Variants in CHD2 observed in about 807,000 individuals in gnomAD.
CHD2 encodes chromodomain helicase DNA binding protein 2.
In CHD2, 28 loss-of-function variants were observed where a neutral mutation model predicts 243.9. The observed-to-expected ratio is 0.11, with a 90% CI of 0.09 to 0.16. The LOEUF (loss-of-function observed/expected upper bound fraction) is 0.16, where lower values mean the gene tolerates loss of function less well. Ranked by LOEUF, CHD2 falls within the 10% of genes least tolerant of loss-of-function variation. The probability of loss-of-function intolerance (pLI) is 1.00; values close to 1 mark genes in which losing one functional copy is unlikely to be tolerated. For missense variants in CHD2, 1,386 were observed against 2,209.8 expected (o/e 0.63, Z 7.47); for synonymous variants, 775 against 779.0 (o/e 0.99, Z 0.09).
intron 2 of CHD2, chr15:92,901,953 T>G: frequency 2.7e-6 from 1 of 369,188 alleles, no homozygotes; most frequent in Admixed American, 4.5e-5. Context: ...CCTGCATTTA[T>G]GAAATCAAAT....
chr15:92,960,984 A>G (rs947385159), intron 16 of CHD2, among the ~76,000 whole-genome samples: 3 of 152,038 alleles, frequency 2.0e-5, no homozygotes, highest in Admixed American at 1.3e-4. Flanking sequence ...TCCGCCGCCT[A>G]AAGTGCTGGG....
chr15:92,901,198 C>A lies in CHD2; in HGVS notation c.-40C>A. 7.8e-7 allele frequency: 1 copy of A among 1,284,076 alleles called. No homozygotes were observed. Among genetic ancestry groups the A allele is most frequent in the Non-Finnish European group, 1.1e-6 (1 of 885,670 alleles). The allele number at this position is 1,284,076 out of a possible 1,614,324, so 79.5% of individuals were successfully genotyped here. Reference sequence around the variant, plus strand: ...CCTGGGCACAGGACTTCAAAGCAAACACAGATTCCCCCTCCCCCTTAATAT... The same window carrying A: ...CCTGGGCACAGGACTTCAAAGCAAAAACAGATTCCCCCTCCCCCTTAATAT... On this transcript the variant is annotated 5_prime_UTR_variant, in exon 2 of 39. Coordinates refer to ENST00000394196, the MANE Select transcript of CHD2 (RefSeq NM_001271.4).
chr15:92,979,170 G>A lies in CHD2; in HGVS notation c.2763G>A (p.Val921=). The A allele has an allele frequency of 6.2e-7, 1 of 1,614,060 alleles. No homozygotes were observed. The highest frequency in any genetic ancestry group is 8.5e-7 in the Non-Finnish European group (1 of 1,180,000). The change falls in exon 22 of 39, where the codon GTG becomes GTA. Residue 921 remains valine (V), a synonymous_variant. Transcript: ENST00000394196. Reference sequence around the variant, plus strand: ...ACCGCTTAGTTACAAAGGGGACTGTGGAGGAGGAGATCATAGAACGGGCCA... The same window carrying A: ...ACCGCTTAGTTACAAAGGGGACTGTAGAGGAGGAGATCATAGAACGGGCCA... ...NIYRLVTKGT[V]EEEIIERAKK...
rs780320100 is a variant in CHD2 at position 92,998,654 on chromosome 15, G to A, written c.4008+33G>A. ...CGCTGCCAGCTGGTTGTTTTTCAGG[G>A]GCCTGAGGCTCCTACCCTGCAGAAT... On this transcript the variant is annotated intron_variant, in intron 31 of 38. Coordinates refer to ENST00000394196, the MANE Select transcript of CHD2 (RefSeq NM_001271.4). This position sits in a 1 kb window ranked among gnomAD's most constrained non-coding sequence, Gnocchi z 5.1. 2.5e-6 allele frequency: 4 copies of A among 1,605,646 alleles called. No individual in the cohort carries two copies. The African/African-American group carries it at 5.4e-5, about 22-fold the overall frequency.
Position 93,025,841 on chromosome 15 carries a change from GACAGAATC to G in CHD2, c.*1140_*1147del, listed in dbSNP as rs2054582890. On this transcript the variant is annotated 3_prime_UTR_variant, in exon 39 of 39. Coordinates refer to ENST00000394196, the MANE Select transcript of CHD2 (RefSeq NM_001271.4). ...TTGCACAGCTTGAAGAAATAGAGTAGACAGAATCACACATCATGTGGTGGGCAGATGGA... is the reference window on the plus strand; with the variant it reads ...TTGCACAGCTTGAAGAAATAGAGTAGACACATCATGTGGTGGGCAGATGGA... 6.6e-6 allele frequency: 1 copy of G among 150,818 alleles called. No individual in the cohort carries two copies. Among genetic ancestry groups the G allele is most frequent in the African/African-American group, 2.4e-5 (1 of 41,410 alleles). 9.3% of individuals were successfully genotyped at this position (150,818 alleles called of 1,614,324 possible). A position where few individuals can be genotyped will look rare whatever the true frequency, so the allele number is the denominator to read the frequency against.
chr15:92,962,019 T>A (rs1037669588), intron 16 of CHD2, among the ~76,000 whole-genome samples: 1 of 151,720 alleles, frequency 6.6e-6, no homozygotes, highest in African/African-American at 2.4e-5. Context: ...GTAGCTGGGA[T>A]TACAGGCACC....
chr15:93,024,625 C>A lies in CHD2; in HGVS notation c.5407C>A (p.Leu1803Met). ...ATCTCCTCACGATTCCAAGTCACCC[C>A]TGGATCATAGGTCTCCTTTGGAGAG... ...QKSPHDSKSP[L>M]DHRSPLERSL... Residue 1803 changes from leucine (L) to methionine (M), a missense_variant, in exon 39 of 39, where the codon CTG becomes ATG. Transcript: ENST00000394196. The A allele has an allele frequency of 6.2e-7, 1 of 1,614,204 alleles. No homozygotes were observed. Among genetic ancestry groups the A allele is most frequent in the Non-Finnish European group, 8.5e-7 (1 of 1,180,032 alleles).
chr15:92,938,704 G>C (rs537488480), intron 6 of CHD2, among the ~76,000 whole-genome samples: 2 of 152,348 alleles, frequency 1.3e-5, no homozygotes, highest in East Asian at 3.9e-4. Flanking sequence ...GGAGGTATGA[G>C]AGAAAGAGAT....
At chr15:92,937,679 T>G (rs754674606) in intron 6 of CHD2, 54 bp downstream of exon 6, 18 of 1,310,378 alleles carry the variant, frequency 1.4e-5, no homozygotes, top group Non-Finnish European at 1.8e-5. Context: ...TGCTGTAGAT[T>G]GGGAAGGATA....
intron 3 of CHD2, among the ~76,000 whole-genome samples, chr15:92,924,963 G>C (rs2141747378): frequency 6.6e-6 from 1 of 152,162 alleles, no homozygotes; most frequent in African/African-American, 2.4e-5. Flanking sequence ...ACCACGCCCA[G>C]CTAATTTTTG....
At chr15:92,922,637 C>A (rs1194336088) in intron 2 of CHD2, among the ~76,000 whole-genome samples, 2 of 152,204 alleles carry the variant, frequency 1.3e-5, no homozygotes. Context: ...CGTGTCTTAT[C>A]TCCTGGCTTC....
Position 92,998,190 on chromosome 15 carries a change from G to A in CHD2, c.3886-309G>A. On this transcript the variant is annotated intron_variant, in intron 30 of 38. Coordinates refer to ENST00000394196, the MANE Select transcript of CHD2 (RefSeq NM_001271.4). This position sits in a 1 kb window ranked among gnomAD's most constrained non-coding sequence, Gnocchi z 5.1. The stretch of plus-strand genomic sequence containing the variant: ...CTCCTGGAAGGAGGAAATCCACGAC[G>A]GCTGGGATGCTCTAGCAGATGAAGC... The A allele has an allele frequency of 4.8e-6, 5 of 1,051,868 alleles. No homozygotes were observed. The highest frequency in any genetic ancestry group is 5.7e-6 in the Non-Finnish European group (5 of 871,794). The allele number at this position is 1,051,868 out of a possible 1,614,324, so 65.2% of individuals were successfully genotyped here. A position where few individuals can be genotyped will look rare whatever the true frequency, so the allele number is the denominator to read the frequency against.
intron 15 of CHD2, 45 bp downstream of exon 15, chr15:92,955,557 T>A (rs1340931167): frequency 8.0e-7 from 1 of 1,247,386 alleles, no homozygotes; most frequent in East Asian, 2.5e-5. Flanking sequence ...CCAGTGCGAC[T>A]TGTCCAGATG....
chr15:92,954,185 G>A (rs1020243635), intron 14 of CHD2: 2 of 152,324 alleles, frequency 1.3e-5, no homozygotes, highest in African/African-American at 2.4e-5. Flanking sequence ...TAGATGTTGC[G>A]CTGGGTGCTT....
intron 20 of CHD2, 42 bp from the exon 21 acceptor site, chr15:92,978,192 G>C (rs1175219349): frequency 1.9e-6 from 3 of 1,612,414 alleles, no homozygotes; most frequent in Admixed American, 1.7e-5. Flanking sequence ...AACTGTTTCT[G>C]AGAAGGCCAC....
At chr15:92,940,856 A>G (rs1176945404) in intron 7 of CHD2, among the ~76,000 whole-genome samples, 1 of 136,126 alleles carries the variant, frequency 7.3e-6, no homozygotes, top group African/African-American at 2.6e-5. Context: ...ATATAAATAT[A>G]TAAATATATA....
chr15:92,995,694 A>G (rs912513741), intron 28 of CHD2, among the ~76,000 whole-genome samples: 3 of 152,302 alleles, frequency 2.0e-5, no homozygotes, highest in African/African-American at 7.2e-5. Context: ...TTTTGTTATT[A>G]TAAAGAAAGT....
In CHD2 at chr15:92,937,526, G is replaced by T; in HGVS notation, c.452G>T (p.Trp151Leu). Residue 151 changes from tryptophan to leucine, a missense_variant, in exon 6 of 39, where the codon TGG becomes TTG. Transcript: ENST00000394196. ...GQRQLKKQEK[W>L]KQEPSEDEQE... is the part of the protein sequence containing the mutation. ...TTTGCTTTTGATCACAGAGAAAAATGGAAACAGGAACCCTCAGAAGATGAA... is the reference window on the plus strand; with the variant it reads ...TTTGCTTTTGATCACAGAGAAAAATTGAAACAGGAACCCTCAGAAGATGAA... 2 of 1,604,378 alleles carry T rather than the reference G, an allele frequency of 1.2e-6. No homozygotes were observed. The highest frequency in any genetic ancestry group is 1.7e-6 in the Non-Finnish European group (2 of 1,176,586).
chr15:92,953,700 A>G, intron 14 of CHD2, 127 bp downstream of exon 14: 2 of 822,868 alleles, frequency 2.4e-6, no homozygotes, highest in Non-Finnish European at 1.9e-6. Context: ...TGTGTTCTCA[A>G]TATTAGGAGG....
Sources: gnomAD v4.1 joint callset for allele counts (sites outside exome capture counted in the v4.1 genomes callset) on GRCh38, gnomAD v4.1.1 for gene constraint, Gnocchi (gnomAD v3.1) non-coding constraint, MANE v1.5 for transcripts, NCBI Gene and HGNC (gene_info 2026-07-23, HGNC 2026-07-21) for gene names.